The following MTG2 variants were observed in gnomAD, a reference collection of about 807,000 sequenced individuals.
MTG2 encodes mitochondrial ribosome-associated GTPase 2.
In MTG2, 23 loss-of-function variants were observed where a neutral mutation model predicts 28.6. The observed-to-expected ratio is 0.80, with a 90% confidence interval of 0.58 to 1.14. The LOEUF (loss-of-function observed/expected upper bound fraction) is 1.14, where lower values mean the gene tolerates loss of function less well. MTG2 is among the 50% of genes most tolerant of loss of function. The pLI is 0.00. For missense variants in MTG2, 539 were observed against 552.0 expected, an observed-to-expected ratio of 0.98 and a Z score of 0.24; for synonymous variants, 260 against 251.8, an observed-to-expected ratio of 1.03 and a Z score of -0.31.
chr20:62,189,294 G>C (rs541481152), intron 1 of MTG2, among the ~76,000 whole-genome samples: 11 of 149,626 alleles, frequency 7.4e-5, no homozygotes, highest in Non-Finnish European at 1.2e-4. Flanking sequence ...GACAGAGTGA[G>C]ACTCTGTCTC....
intron 1 of MTG2, among the ~76,000 whole-genome samples, chr20:62,192,627 G>A (rs73917837): frequency 8.6e-4 from 131 of 152,246 alleles, no homozygotes; most frequent in African/African-American, 2.9e-3. Flanking sequence ...ATGATGACCA[G>A]CCCCCTCCCA....
rs556034249 is a variant in MTG2, at chr20:62,199,411, C to T, written c.826+154C>T. The T allele has an allele frequency of 1.5e-4, 132 of 865,478 alleles. 1 individual carries two copies. The highest frequency in any genetic ancestry group is 1.3e-3 in the Middle Eastern group (4 of 2,978). 53.6% of individuals were successfully genotyped at this position (865,478 alleles called of 1,614,324 possible). ...CTGTAACCCCAGCACTTTGGGAGGC[C>T]GAGGCAGGCGGATCACGAGGTCAGG... On this transcript the variant is annotated intron_variant, in intron 6 of 6. Coordinates refer to ENST00000370823, the MANE Select transcript of MTG2 (RefSeq NM_015666.4).
intron 1 of MTG2, among the ~76,000 whole-genome samples, chr20:62,188,245 G>A (rs1227462073): frequency 6.6e-6 from 1 of 151,910 alleles, no homozygotes; most frequent in African/African-American, 2.4e-5. Context: ...GAAGAAGCTT[G>A]TTTGATTTGC....
intron 6 of MTG2, 87 bp from the exon 7 acceptor site, chr20:62,200,596 C>T (rs927478643): frequency 3.5e-5 from 51 of 1,463,694 alleles, no homozygotes; most frequent in Non-Finnish European, 3.6e-5. Context: ...GGGCTCCAGG[C>T]CTTCTCTCCC....
At position 62,201,190 on chromosome 20, in the gene MTG2, T is replaced by A. The variant is rs1001836945; in HGVS notation, c.*113T>A. The A allele has an allele frequency of 1.6e-5, 21 of 1,310,696 alleles. No individual in the cohort carries two copies. The highest frequency in any genetic ancestry group is 2.1e-5 in the Non-Finnish European group (21 of 985,390). The allele number at this position is 1,310,696 out of a possible 1,614,324, so 81.2% of individuals were successfully genotyped here. Reference sequence around the variant, plus strand: ...GGACACGGGGGAGTTGTGGTGCTTCTGGGTCTCTGGGCCCCGCCTGCTGGC... The same window carrying A: ...GGACACGGGGGAGTTGTGGTGCTTCAGGGTCTCTGGGCCCCGCCTGCTGGC... On this transcript the variant is annotated 3_prime_UTR_variant, in exon 7 of 7. Transcript: ENST00000370823.
intron 1 of MTG2, among the ~76,000 whole-genome samples, chr20:62,186,540 T>G (rs2890343): frequency 0.19 from 28,788 of 147,800 alleles, 3,230 homozygotes; most frequent in African/African-American, 0.28. Context: ...TTTTTTTTTT[T>G]TTTTTTGAGA....
At chr20:62,200,340 GATTAGTAGAGT>G (rs1031710365) in intron 6 of MTG2, 9 of 228,046 alleles carry the variant, frequency 3.9e-5, no homozygotes, top group Admixed American at 1.6e-4. Context: ...GTAATCAAAT[GATTAGTAGAGT>G]ACAGGCAGCC....
At chr20:62,197,644 A>G (rs1187736848) in intron 3 of MTG2, 1 of 550,650 alleles carries the variant, frequency 1.8e-6, no homozygotes, top group Admixed American at 3.2e-5. Context: ...TAAGAAATTT[A>G]AAAATTTTCA....
chr20:62,196,715 G>A (rs2058066011), intron 3 of MTG2, among the ~76,000 whole-genome samples: 1 of 151,276 alleles, frequency 6.6e-6, no homozygotes, highest in Non-Finnish European at 1.5e-5. Context: ...CCTGATGTAT[G>A]GATATCATTT....
At chr20:62,196,585 G>C (rs762419313) in intron 3 of MTG2, among the ~76,000 whole-genome samples, 96 of 151,934 alleles carry the variant, frequency 6.3e-4, no homozygotes, top group Non-Finnish European at 3.5e-4. Flanking sequence ...CAGGAGGATG[G>C]CTTGAGCCCA....
At chr20:62,187,833 CCTCCTT>C (rs1188296395) in intron 1 of MTG2, among the ~76,000 whole-genome samples, 1 of 152,104 alleles carries the variant, frequency 6.6e-6, no homozygotes, top group Admixed American at 6.6e-5. Flanking sequence ...GTATTATTCT[CCTCCTT>C]CTACTCGACG....
rs2184159 is a variant in MTG2, at chr20:62,201,254, T to C, written c.*177T>C. 0.57 allele frequency: 421,127 copies of C among 733,458 alleles called. 126,019 individuals carry two copies. The highest frequency in any genetic ancestry group is 0.9 in the East Asian group (32,663 of 36,298). The allele number at this position is 733,458 out of a possible 1,614,324, so 45.4% of individuals were successfully genotyped here. The stretch of plus-strand genomic sequence containing the variant: ...ATGTTGGGAAGCATTCCGTGCCCCC[T>C]ACCCCGCCTGCCCTCCGTATTTCCT... On this transcript the variant is annotated 3_prime_UTR_variant, in exon 7 of 7. Coordinates refer to ENST00000370823, the MANE Select transcript of MTG2 (RefSeq NM_015666.4).
chr20:62,191,437 G>C (rs867967142), intron 1 of MTG2, among the ~76,000 whole-genome samples: 1 of 152,162 alleles, frequency 6.6e-6, no homozygotes, highest in Non-Finnish European at 1.5e-5. Context: ...GTCGGCGACT[G>C]ACTCTTAAGT....
At chr20:62,183,980 T>C (rs1178932753) in intron 1 of MTG2, among the ~76,000 whole-genome samples, 1 of 152,222 alleles carries the variant, frequency 6.6e-6, no homozygotes, top group Non-Finnish European at 1.5e-5. Flanking sequence ...GGCCAGAGGA[T>C]ACTATGTGAC....
intron 6 of MTG2, 140 bp from the exon 7 acceptor site, chr20:62,200,543 T>A (rs1413956018): frequency 3.7e-6 from 4 of 1,083,834 alleles, no homozygotes; most frequent in Non-Finnish European, 3.9e-6. Context: ...AAGGCGTTCC[T>A]TGAAAGGAAA....
chr20:62,185,981 A>T (rs1056288078), intron 1 of MTG2, among the ~76,000 whole-genome samples: 1 of 152,240 alleles, frequency 6.6e-6, no homozygotes, highest in African/African-American at 2.4e-5. Flanking sequence ...CTCCGAGTTC[A>T]GGTCTCTGGT....
In MTG2 at chr20:62,203,527, GAT is replaced by G. The variant is rs1417396233; in HGVS notation, c.*2455_*2456del. 6.6e-6 allele frequency: 1 copy of G among 152,176 alleles called. No individual in the cohort carries two copies. The highest frequency in any genetic ancestry group is 1.5e-5 in the Non-Finnish European group (1 of 68,034). The allele number at this position is 152,176 out of a possible 1,614,324, so 9.4% of individuals were successfully genotyped here. A position where few individuals can be genotyped will look rare whatever the true frequency, so the allele number is the denominator to read the frequency against. ...TTTTGTCAGTCTGCTTTTCAAATGG[GAT>G]ATATGATTCACATACCATAAAATTC... On this transcript the variant is annotated 3_prime_UTR_variant, in exon 7 of 7. Transcript: ENST00000370823.
At chr20:62,194,543 T>C (rs2058024493) in intron 2 of MTG2, among the ~76,000 whole-genome samples, 1 of 152,258 alleles carries the variant, frequency 6.6e-6, no homozygotes, top group Non-Finnish European at 1.5e-5. Flanking sequence ...TCCCACATGG[T>C]GGTGCCAAAG....
At position 62,198,675 on chromosome 20, in the gene MTG2, G is replaced by A. The variant is rs1601101356; in HGVS notation, c.510G>A (p.Val170=). The change falls in exon 5 of 7, where the codon GTG becomes GTA. Residue 170 remains valine (V), a synonymous_variant. Transcript: ENST00000370823. The part of the protein sequence containing the change: ...GTLVKEGGRV[V]ADLSCVGDEY... The stretch of plus-strand genomic sequence containing the variant: ...TGGTGAAGGAGGGAGGCAGAGTTGT[G>A]GCCGACCTGTCTTGCGTGGGAGATG... The A allele has an allele frequency of 6.2e-7, 1 of 1,613,994 alleles. No individual in the cohort carries two copies. Among genetic ancestry groups the A allele is most frequent in the Admixed American group, 1.7e-5 (1 of 60,014 alleles).
Sources: allele counts gnomAD v4.1 joint callset (sites outside exome capture counted in the v4.1 genomes callset), GRCh38; gene constraint gnomAD v4.1.1; transcripts MANE v1.5; gene names NCBI Gene and HGNC (gene_info 2026-07-23, HGNC 2026-07-21).